Variants in MBTPS2 observed in about 807,000 individuals in gnomAD.
MBTPS2 encodes the protein membrane-bound transcription factor site-2 protease.
In MBTPS2, 2 loss-of-function variants were observed where a neutral mutation model predicts 35.4. That is an observed-to-expected ratio of 0.06 (90% CI 0.02 to 0.18). The LOEUF is 0.18. Among genes scored for constraint, MBTPS2 ranks in the 10% least tolerant of loss-of-function variants. The probability of loss-of-function intolerance (pLI) is 1.00; values close to 1 mark genes in which losing one functional copy is unlikely to be tolerated. For synonymous variants in MBTPS2, 125 were observed against 140.4 expected, an observed-to-expected ratio of 0.89 and a Z score of 0.77; for missense variants, 244 against 386.5, an observed-to-expected ratio of 0.63 and a Z score of 3.09.
At chrX:21,859,191 A>G (rs1163046668) in intron 5 of MBTPS2, among the ~76,000 whole-genome samples, 1 of 112,160 alleles carries the variant, frequency 8.9e-6, no homozygotes, top group African/African-American at 3.2e-5. Flanking sequence ...AATTGTAAAA[A>G]AATTCAAAAT....
intron 5 of MBTPS2, chrX:21,858,696 C>G (rs2147439791): frequency 8.3e-6 from 1 of 121,022 alleles, no homozygotes; most frequent in Admixed American, 9.8e-5. Flanking sequence ...TGAACATCAG[C>G]CTGGGCAACA....
chrX:21,872,930 T>C (rs2092948856), intron 7 of MBTPS2: 1 of 110,548 alleles, frequency 9.0e-6, no homozygotes, highest in South Asian at 3.9e-4. Flanking sequence ...TATCCTTCAT[T>C]GTAAGTAGGA....
chrX:21,853,247 G>A, intron 4 of MBTPS2, 129 bp from the exon 5 acceptor site: 1 of 460,521 alleles, frequency 2.2e-6, no homozygotes. Flanking sequence ...TTTTTTGGCT[G>A]TTCAGAGAGA....
chrX:21,877,600 G>T (rs1445311951), intron 7 of MBTPS2, among the ~76,000 whole-genome samples: 3 of 111,692 alleles, frequency 2.7e-5, no homozygotes, highest in Non-Finnish European at 1.9e-5. Context: ...GGTAGAATCG[G>T]TATTTGGATA....
chrX:21,863,290 A>T (rs905252895), intron 5 of MBTPS2, among the ~76,000 whole-genome samples: 2 of 106,811 alleles, frequency 1.9e-5, no homozygotes, highest in African/African-American at 6.7e-5. Context: ...AATTAAATTT[A>T]AAAAAAAATT....
chrX:21,840,596 G>A (rs2092901596), intron 1 of MBTPS2, among the ~76,000 whole-genome samples: 1 of 111,724 alleles, frequency 9.0e-6, no homozygotes, highest in South Asian at 3.8e-4. Flanking sequence ...TTGAGTACTG[G>A]GGGGTAGGGG....
At chrX:21,857,561 A>G (rs2092924889) in intron 5 of MBTPS2, 2 of 1,211,639 alleles carry the variant, frequency 1.7e-6, no homozygotes, top group East Asian at 5.9e-5. Context: ...CCAACCTGAA[A>G]ACCCACATAT....
chrX:21,849,125 C>T (rs1180145637), intron 3 of MBTPS2, among the ~76,000 whole-genome samples: 1 of 111,649 alleles, frequency 9.0e-6, no homozygotes, highest in Non-Finnish European at 1.9e-5. Context: ...ATGTCATTAC[C>T]ACCCATAGTT....
rs760645301 is a variant in MBTPS2 at position 21,853,314 on chromosome X, C to A, written c.543-62C>A. On this transcript the variant is annotated intron_variant, in intron 4 of 10. Coordinates refer to ENST00000379484, the MANE Select transcript of MBTPS2 (RefSeq NM_015884.4). ...CAGTGAAAAGTTTTAAGATTATGTA[C>A]ACTATTAATTTGATAAATATAATAG... The A allele has an allele frequency of 1.3e-5, 11 of 849,625 alleles. No individual in the cohort carries two copies. The African/African-American group carries it at 1.4e-4, about 11-fold the overall frequency. 70.0% of individuals were successfully genotyped at this position (849,625 alleles called of 1,213,427 possible).
At chrX:21,865,384 A>C (rs752470466) in intron 5 of MBTPS2, among the ~76,000 whole-genome samples, 1 of 111,775 alleles carries the variant, frequency 8.9e-6, no homozygotes, top group African/African-American at 3.3e-5. Context: ...AATACCTGCT[A>C]TCTGGTTCCA....
chrX:21,875,156 A>G (rs1335097955), intron 7 of MBTPS2, among the ~76,000 whole-genome samples: 4 of 112,550 alleles, frequency 3.6e-5, no homozygotes, highest in South Asian at 7.3e-4. Context: ...AGAAAAAACC[A>G]GAGATCACAA....
At chrX:21,875,901 C>T (rs1422622757) in intron 7 of MBTPS2, among the ~76,000 whole-genome samples, 3 of 112,051 alleles carry the variant, frequency 2.7e-5, no homozygotes, top group East Asian at 5.6e-4. Context: ...TGGACCTCAG[C>T]ACCATAGAAT....
chrX:21,869,202 A>C (rs1208280139), intron 6 of MBTPS2, among the ~76,000 whole-genome samples: 1 of 112,374 alleles, frequency 8.9e-6, no homozygotes, highest in Non-Finnish European at 1.9e-5. Flanking sequence ...TGATACTTTC[A>C]CCAAAAAATT....
chrX:21,859,931 A>G (rs1204945228), intron 5 of MBTPS2, among the ~76,000 whole-genome samples: 1 of 110,611 alleles, frequency 9.0e-6, no homozygotes, highest in Admixed American at 9.6e-5. Flanking sequence ...GGTCTCTACC[A>G]AAAATAAAAA....
At chrX:21,860,345 G>A (rs1030942714) in intron 5 of MBTPS2, among the ~76,000 whole-genome samples, 3 of 111,441 alleles carry the variant, frequency 2.7e-5, no homozygotes, top group Admixed American at 1.9e-4. Flanking sequence ...CCCAGGAGGT[G>A]GAGGTTGCAG....
intron 9 of MBTPS2, 108 bp from the exon 10 acceptor site, chrX:21,880,789 C>G: frequency 1.8e-6 from 1 of 541,375 alleles, no homozygotes; most frequent in Non-Finnish European, 3.3e-6. Flanking sequence ...AGGGCTTTCT[C>G]AATCAGTTTA....
chrX:21,856,111 C>A, intron 5 of MBTPS2: 1 of 191,077 alleles, frequency 5.2e-6, no homozygotes, highest in Admixed American at 7.0e-5. Context: ...CAGTAAAGAG[C>A]CTGCTTACGA....
chrX:21,862,968 A>ATAT (rs1569325859), intron 5 of MBTPS2, among the ~76,000 whole-genome samples: 11 of 67,060 alleles, frequency 1.6e-4, no homozygotes, highest in Non-Finnish European at 2.0e-4. Flanking sequence ...ATATATATAT[A>ATAT]AAACCGACTG....
intron 5 of MBTPS2, chrX:21,856,295 AGCTCGCG>A (rs2092921530): frequency 3.9e-6 from 1 of 258,207 alleles, no homozygotes; most frequent in Non-Finnish European, 6.3e-6. Context: ...CTTTCTCTGC[AGCTCGCG>A]CCTTTCTCTG....
Sources: gnomAD v4.1 joint callset for allele counts (sites outside exome capture counted in the v4.1 genomes callset) on GRCh38, gnomAD v4.1.1 for gene constraint, MANE v1.5 for transcripts, NCBI Gene and HGNC (gene_info 2026-07-23, HGNC 2026-07-21) for gene names.